DLG2: variants seen among roughly 807,000 people sequenced by gnomAD.
DLG2 encodes disks large homolog 2.
Under a neutral mutation model 132.5 loss-of-function variants are expected in DLG2, and 45 were observed. The observed-to-expected ratio is 0.34, with a 90% CI of 0.27 to 0.44. The LOEUF (loss-of-function observed/expected upper bound fraction) is 0.44. Among genes scored for constraint, DLG2 ranks in the 20% least tolerant of loss-of-function variants. The probability of loss-of-function intolerance (pLI) is 1.00; values close to 1 mark genes in which losing one functional copy is unlikely to be tolerated. For synonymous variants in DLG2, 424 were observed against 419.6 expected (o/e 1.01, Z -0.13); for missense variants, 1,045 against 1,196.9 (o/e 0.87, Z 1.87).
chr11:83,748,968 T>C (rs2093116796), intron 18 of DLG2, among the ~76,000 whole-genome samples: 1 of 152,228 alleles, frequency 6.6e-6, no homozygotes. Flanking sequence ...TTTTTCATAC[T>C]CTAACATTTT....
intron 8 of DLG2, among the ~76,000 whole-genome samples, chr11:84,236,788 TA>T (rs374405180): frequency 6.6e-6 from 1 of 152,196 alleles, no homozygotes; most frequent in Non-Finnish European, 1.5e-5. Context: ...GTTAGCAGGT[TA>T]GAAGAACTAG....
intron 6 of DLG2, among the ~76,000 whole-genome samples, chr11:84,803,868 G>A (rs1293448502): frequency 6.6e-6 from 1 of 152,150 alleles, no homozygotes; most frequent in Non-Finnish European, 1.5e-5. Flanking sequence ...CATGAGAACA[G>A]AGACCTAGGC....
chr11:83,555,728 C>T (rs936815405), intron 19 of DLG2, among the ~76,000 whole-genome samples: 1 of 152,192 alleles, frequency 6.6e-6, no homozygotes, highest in African/African-American at 2.4e-5. Flanking sequence ...CAGAGCATAC[C>T]TCAGGTCCCT....
chr11:85,433,717 T>C (rs1399955196), intron 3 of DLG2, among the ~76,000 whole-genome samples: 1 of 152,184 alleles, frequency 6.6e-6, no homozygotes, highest in Non-Finnish European at 1.5e-5. Context: ...ACAAGAATAT[T>C]GGGAGACTTT....
chr11:84,261,374 T>C (rs1318366939), intron 7 of DLG2, among the ~76,000 whole-genome samples: 3 of 152,170 alleles, frequency 2.0e-5, no homozygotes, highest in African/African-American at 7.2e-5. Flanking sequence ...CTCAATCTTA[T>C]CTCTCTAACC....
In DLG2 at chr11:84,825,105, G is replaced by A. The variant is rs190308922; in HGVS notation, c.357+286556C>T. Among the ~76,000 whole-genome samples the A allele has an allele frequency of 2.1e-3, 322 of 151,952 alleles. 1 individual carries two copies. The highest frequency in any genetic ancestry group is 4.1e-3 in the Non-Finnish European group (276 of 67,860). The stretch of plus-strand genomic sequence containing the variant: ...TACTCTTCTGAGAGACAGTCTCCGG[G>A]AAGAAACAATGTTTGGTGGGGAATC... On this transcript the variant is annotated intron_variant, in intron 6 of 27. Transcript: ENST00000376104.
At chr11:83,761,627 G>C (rs993486244) in intron 18 of DLG2, among the ~76,000 whole-genome samples, 1 of 152,002 alleles carries the variant, frequency 6.6e-6, no homozygotes, top group African/African-American at 2.4e-5. Flanking sequence ...TCATATCTCA[G>C]GTCCTAGACT....
intron 6 of DLG2, among the ~76,000 whole-genome samples, chr11:84,876,369 T>C (rs1194090172): frequency 2.0e-5 from 3 of 152,240 alleles, no homozygotes; most frequent in Non-Finnish European, 4.4e-5. Context: ...GAACTTGTTA[T>C]TGGTCTACTC....
chr11:83,502,412 C>G (rs2139187453), intron 21 of DLG2, among the ~76,000 whole-genome samples: 1 of 152,274 alleles, frequency 6.6e-6, no homozygotes, highest in South Asian at 2.1e-4. Context: ...CTGCTGAGAA[C>G]TTCTCCAGGC....
chr11:84,650,451 G>T (rs1353922616), intron 6 of DLG2, among the ~76,000 whole-genome samples: 1 of 152,128 alleles, frequency 6.6e-6, no homozygotes, highest in Non-Finnish European at 1.5e-5. Context: ...TTACTGAATT[G>T]AGATCATTAT....
chr11:85,137,560 C>T (rs1271910772), intron 5 of DLG2, among the ~76,000 whole-genome samples: 1 of 152,116 alleles, frequency 6.6e-6, no homozygotes, highest in African/African-American at 2.4e-5. Flanking sequence ...GTAGCCTGGA[C>T]TCCATGCAGA....
chr11:85,556,578 GATAA>G (rs1475112557), intron 3 of DLG2, among the ~76,000 whole-genome samples: 1 of 151,800 alleles, frequency 6.6e-6, no homozygotes, highest in Non-Finnish European at 1.5e-5. Context: ...TGTTTCTTCA[GATAA>G]ATAGAGGTTT....
rs1202245647 is a variant in DLG2, at chr11:83,633,198, C to T, written c.1940+13G>A. The T allele has an allele frequency of 5.0e-6, 8 of 1,611,682 alleles. No individual in the cohort carries two copies. In the African/African-American group the frequency reaches 1.1e-4, roughly 22 times the overall value. ...CTCACAAAGTGCAGATAGAGAAATA[C>T]TCCTTTGCCTACCTGACGTAGAGGG... On this transcript the variant is annotated intron_variant, in intron 19 of 27. Transcript: ENST00000376104.
chr11:84,347,303 G>A (rs1308307749), intron 7 of DLG2, among the ~76,000 whole-genome samples: 1 of 152,174 alleles, frequency 6.6e-6, no homozygotes, highest in Non-Finnish European at 1.5e-5. Flanking sequence ...TGTATATCGA[G>A]ATTTCTATCA....
chr11:85,431,330 C>T (rs2091168569), intron 3 of DLG2, among the ~76,000 whole-genome samples: 1 of 152,088 alleles, frequency 6.6e-6, no homozygotes, highest in South Asian at 2.1e-4. Flanking sequence ...GAGCCCCCAC[C>T]CCCAGCCAAG....
At chr11:84,455,158 T>C (rs1185400422) in intron 7 of DLG2, among the ~76,000 whole-genome samples, 4 of 151,428 alleles carry the variant, frequency 2.6e-5, no homozygotes, top group Non-Finnish European at 5.9e-5. Flanking sequence ...TATTTCAGCC[T>C]AACTTCTGTT....
intron 3 of DLG2, among the ~76,000 whole-genome samples, chr11:85,474,320 G>GA (rs1312471848): frequency 6.6e-6 from 1 of 151,878 alleles, no homozygotes; most frequent in Non-Finnish European, 1.5e-5. Flanking sequence ...TTACAGACAT[G>GA]AAAATTTGAA....
intron 6 of DLG2, among the ~76,000 whole-genome samples, chr11:85,001,116 C>A (rs528873220): frequency 6.6e-6 from 1 of 151,812 alleles, no homozygotes; most frequent in East Asian, 1.9e-4. Flanking sequence ...TTTTTTGAGA[C>A]AGTATCTCAC....
intron 6 of DLG2, among the ~76,000 whole-genome samples, chr11:84,980,006 C>T (rs1418928995): frequency 6.6e-6 from 1 of 151,920 alleles, no homozygotes. Flanking sequence ...CTATTAATGG[C>T]CTATAAGGTT....
Sources: allele counts gnomAD v4.1 joint callset (sites outside exome capture counted in the v4.1 genomes callset), GRCh38; gene constraint gnomAD v4.1.1; transcripts MANE v1.5; gene names NCBI Gene and HGNC (gene_info 2026-07-23, HGNC 2026-07-21).